TRHDE: variants seen among roughly 807,000 people sequenced by gnomAD.
TRHDE encodes the protein thyrotropin-releasing hormone-degrading ectoenzyme.
A neutral mutation model predicts 125.7 loss-of-function variants in TRHDE; 72 were observed. The observed-to-expected ratio is 0.57, with a 90% CI of 0.47 to 0.70. The LOEUF (loss-of-function observed/expected upper bound fraction) is 0.70. Among genes scored for constraint, TRHDE ranks in the 30% least tolerant of loss-of-function variants. The pLI, the probability that TRHDE is intolerant of heterozygous loss-of-function variation, is 0.00. For missense variants in TRHDE, 1,110 were observed against 1,327.1 expected (o/e 0.84, Z 2.54); for synonymous variants, 509 against 509.1 (o/e 1.00, Z 0.00).
Position 72,272,481 on chromosome 12 carries a change from C to A in TRHDE, c.-163C>A. The A allele has an allele frequency of 1.9e-6, 1 of 526,926 alleles. No individual in the cohort carries two copies. The highest frequency in any genetic ancestry group is 2.4e-5 in the South Asian group (1 of 41,966). 32.6% of individuals were successfully genotyped at this position (526,926 alleles called of 1,614,324 possible). On this transcript the variant is annotated 5_prime_UTR_variant, in exon 1 of 19. Coordinates refer to ENST00000261180, the MANE Select transcript of TRHDE (RefSeq NM_013381.3). The surrounding 1 kb of genome is among the most constrained non-coding windows in gnomAD (Gnocchi z 6.7). ...GGCTGATGGGGGTCGCGGAAGCTGCCGTCGCTTGTGTCCAGAACCCGTCTT... is the reference window on the plus strand; with the variant it reads ...GGCTGATGGGGGTCGCGGAAGCTGCAGTCGCTTGTGTCCAGAACCCGTCTT...
chr12:72,146,075 TA>T (rs1456332348), intron 2 of TRHDE, among the ~76,000 whole-genome samples: 2 of 152,208 alleles, frequency 1.3e-5, no homozygotes, highest in Admixed American at 6.5e-5. Context: ...GAAAATAATT[TA>T]AAAGATCTAA....
chr12:72,562,787 T>C (rs2136011438), intron 8 of TRHDE, 66 bp from the exon 9 acceptor site: 1 of 1,038,990 alleles, frequency 9.6e-7, no homozygotes, highest in Non-Finnish European at 1.4e-6. Flanking sequence ...AATAAAAATG[T>C]CTTAATGTTA....
chr12:72,417,046 A>C (rs970228410), intron 3 of TRHDE, among the ~76,000 whole-genome samples: 1 of 151,874 alleles, frequency 6.6e-6, no homozygotes, highest in Admixed American at 6.6e-5. Flanking sequence ...TTCTTTCATC[A>C]ATATTTTACC....
chr12:72,089,177 C>T (rs971481243), intron 1 of TRHDE, among the ~76,000 whole-genome samples: 3 of 152,122 alleles, frequency 2.0e-5, no homozygotes, highest in African/African-American at 7.2e-5. Context: ...GAAAGAATAT[C>T]CTAAAACCAG....
At chr12:72,339,447 T>A (rs1401546842) in intron 2 of TRHDE, among the ~76,000 whole-genome samples, 3 of 152,134 alleles carry the variant, frequency 2.0e-5, no homozygotes, top group Non-Finnish European at 4.4e-5. Context: ...ACTGAAAGTG[T>A]ACCTTAATAA....
intron 2 of TRHDE, among the ~76,000 whole-genome samples, chr12:72,117,177 C>G (rs1875464783): frequency 6.6e-6 from 1 of 152,022 alleles, no homozygotes; most frequent in African/African-American, 2.4e-5. Context: ...GAAAGTTTCT[C>G]TAGTGTTTTC....
intron 2 of TRHDE, among the ~76,000 whole-genome samples, chr12:72,240,775 T>C (rs1001660242): frequency 2.0e-5 from 3 of 152,114 alleles, no homozygotes; most frequent in Non-Finnish European, 2.9e-5. Flanking sequence ...GGTTTCACCG[T>C]GTTAGCCAGG....
At chr12:72,195,846 T>C (rs1877430375) in intron 2 of TRHDE, among the ~76,000 whole-genome samples, 1 of 152,142 alleles carries the variant, frequency 6.6e-6, no homozygotes, top group African/African-American at 2.4e-5. Context: ...CTAGGATTCT[T>C]ATTGTGTGAG....
At chr12:72,097,440 AT>A (rs869290442) in intron 1 of TRHDE, among the ~76,000 whole-genome samples, 624 of 21,646 alleles carry the variant, frequency 0.029, 9 homozygotes, top group African/African-American at 0.055. Context: ...TTCTCACTGA[AT>A]TTTTTTTTTT....
intron 3 of TRHDE, among the ~76,000 whole-genome samples, chr12:72,404,544 C>T (rs930067580): frequency 6.6e-6 from 1 of 152,114 alleles, no homozygotes; most frequent in Non-Finnish European, 1.5e-5. Context: ...ACTGGGGAGG[C>T]CTCACAATCA....
chr12:72,230,503 G>T, intron 2 of TRHDE, among the ~76,000 whole-genome samples: 1 of 152,168 alleles, frequency 6.6e-6, no homozygotes, highest in African/African-American at 2.4e-5. Flanking sequence ...TCAAATAAAA[G>T]CTGTCCGTAG....
chr12:72,118,695 G>T (rs913845940), intron 2 of TRHDE, among the ~76,000 whole-genome samples: 7 of 152,076 alleles, frequency 4.6e-5, no homozygotes, highest in African/African-American at 1.7e-4. Flanking sequence ...TTCCTTTGCT[G>T]GGAGACTTTT....
At chr12:72,375,809 T>G (rs1404731066) in intron 2 of TRHDE, among the ~76,000 whole-genome samples, 1 of 152,186 alleles carries the variant, frequency 6.6e-6, no homozygotes, top group Non-Finnish European at 1.5e-5. Flanking sequence ...CACTGCTAAA[T>G]TAAAAATGCT....
chr12:72,464,845 G>A (rs1876294386), intron 3 of TRHDE, among the ~76,000 whole-genome samples: 1 of 152,064 alleles, frequency 6.6e-6, no homozygotes, highest in African/African-American at 2.4e-5. Flanking sequence ...GTGCATTGAG[G>A]GTGAGTAGGA....
chr12:72,533,816 G>A (rs551954257), intron 6 of TRHDE, among the ~76,000 whole-genome samples: 1 of 147,400 alleles, frequency 6.8e-6, no homozygotes, highest in South Asian at 2.2e-4. Context: ...TGAGTTGAAT[G>A]CTTTCATGCA....
Position 72,663,331 on chromosome 12 carries a change from G to A in TRHDE, c.*136G>A. The stretch of plus-strand genomic sequence containing the variant: ...ACGTGTGGGAGGAATTTTTTTTTTA[G>A]TTTTTATTTTTTGGTTTTGGGGGAT... On this transcript the variant is annotated 3_prime_UTR_variant, in exon 19 of 19. Coordinates refer to ENST00000261180, the MANE Select transcript of TRHDE (RefSeq NM_013381.3). 2 of 640,940 alleles carry A rather than the reference G, an allele frequency of 3.1e-6. No individual in the cohort carries two copies. Among genetic ancestry groups the A allele is most frequent in the Non-Finnish European group, 4.7e-6 (2 of 422,554 alleles). 39.7% of individuals were successfully genotyped at this position (640,940 alleles called of 1,614,324 possible).
At chr12:72,538,697 C>T (rs1402674433) in intron 6 of TRHDE, among the ~76,000 whole-genome samples, 3 of 151,956 alleles carry the variant, frequency 2.0e-5, no homozygotes, top group Non-Finnish European at 4.4e-5. Context: ...ATATTCACCT[C>T]ACCAGCACTT....
chr12:72,432,441 C>A (rs1175006795), intron 3 of TRHDE, among the ~76,000 whole-genome samples: 1 of 152,174 alleles, frequency 6.6e-6, no homozygotes, highest in Non-Finnish European at 1.5e-5. Context: ...AAGTAAACAA[C>A]CTTGTTTAAG....
chr12:72,565,219 G>T (rs1028160546), intron 9 of TRHDE, among the ~76,000 whole-genome samples: 5 of 152,098 alleles, frequency 3.3e-5, no homozygotes, highest in Non-Finnish European at 7.4e-5. Flanking sequence ...AGTTGATGGA[G>T]TAAAACCAAC....
Sources: allele counts gnomAD v4.1 joint callset (sites outside exome capture counted in the v4.1 genomes callset), GRCh38; gene constraint gnomAD v4.1.1; non-coding constraint Gnocchi (gnomAD v3.1); transcripts MANE v1.5; gene names NCBI Gene and HGNC (gene_info 2026-07-23, HGNC 2026-07-21).